ADAMTS18: variants seen among roughly 807,000 people sequenced by gnomAD.
ADAMTS18 encodes ADAM metallopeptidase with thrombospondin type 1 motif 18.
Under a neutral mutation model 165.9 loss-of-function variants are expected in ADAMTS18, and 157 were observed. The ratio of observed to expected loss-of-function variants is 0.95; its 90% confidence interval spans 0.83 to 1.08. The LOEUF is 1.08. Ranked by LOEUF, ADAMTS18 falls within the 50% of genes least tolerant of loss-of-function variation. The pLI, the probability that ADAMTS18 is intolerant of heterozygous loss-of-function variation, is 0.00. For missense variants in ADAMTS18, 2,040 were observed against 1,534.0 expected, an observed-to-expected ratio of 1.33 and a Z score of -5.51; for synonymous variants, 782 against 578.2, an observed-to-expected ratio of 1.35 and a Z score of -5.06.
intron 3 of ADAMTS18, among the ~76,000 whole-genome samples, chr16:77,393,053 T>C (rs1450930266): frequency 6.6e-6 from 1 of 152,194 alleles, no homozygotes; most frequent in Non-Finnish European, 1.5e-5. Flanking sequence ...GCGCTGGTCA[T>C]GATTTCACTG....
chr16:77,327,659 G>A (rs777395476), intron 12 of ADAMTS18, among the ~76,000 whole-genome samples: 2 of 152,138 alleles, frequency 1.3e-5, no homozygotes, highest in Non-Finnish European at 2.9e-5. Flanking sequence ...CATCATATTA[G>A]CCCCTGTGTT....
At chr16:77,353,668 T>C in intron 10 of ADAMTS18, 65 bp downstream of exon 10, 2 of 1,609,516 alleles carry the variant, frequency 1.2e-6, no homozygotes, top group South Asian at 2.2e-5. Flanking sequence ...ATGTTTACAC[T>C]TCTGTTAGGG....
At chr16:77,347,055 C>A (rs531228716) in intron 10 of ADAMTS18, among the ~76,000 whole-genome samples, 1 of 152,274 alleles carries the variant, frequency 6.6e-6, no homozygotes, top group Admixed American at 6.5e-5. Flanking sequence ...TAAATGGAAC[C>A]ATACAGAATG....
intron 3 of ADAMTS18, among the ~76,000 whole-genome samples, chr16:77,430,479 C>G (rs2057725581): frequency 6.6e-6 from 1 of 152,208 alleles, no homozygotes; most frequent in African/African-American, 2.4e-5. Context: ...CTTGGGCTTT[C>G]TCACATTTTC....
intron 3 of ADAMTS18, among the ~76,000 whole-genome samples, chr16:77,424,692 C>T (rs1328871204): frequency 6.6e-6 from 1 of 151,724 alleles, no homozygotes; most frequent in Non-Finnish European, 1.5e-5. Context: ...GAAGCCAGAA[C>T]AAAATAACAA....
chr16:77,288,522 T>G (rs770444321), intron 22 of ADAMTS18, among the ~76,000 whole-genome samples: 2 of 152,168 alleles, frequency 1.3e-5, no homozygotes, highest in East Asian at 1.9e-4. Flanking sequence ...ACTCAGACTT[T>G]CCATTTTCCT....
rs972008475 is a variant in ADAMTS18, at chr16:77,335,799, C to A, written c.1816G>T (p.Gly606Cys). The change falls in exon 12 of 23, where the codon GGT becomes TGT. Residue 606 changes from glycine to cysteine, a missense_variant. By Grantham distance (159) the Gly-to-Cys change is radical. Transcript: ENST00000282849. Reference protein sequence around the residue: ...SKWSECSRTCGGGVKFQERHC... With the variant: ...SKWSECSRTCCGGVKFQERHC... Reference sequence around the variant, plus strand: ...CTCTCCTGGAACTTGACTCCTCCACCACATGTCCGGGAACATTCTGACCAC... The same window carrying A: ...CTCTCCTGGAACTTGACTCCTCCACAACATGTCCGGGAACATTCTGACCAC... The A allele has an allele frequency of 6.2e-7, 1 of 1,614,218 alleles. No individual in the cohort carries two copies. The highest frequency in any genetic ancestry group is 1.7e-5 in the Admixed American group (1 of 60,022).
chr16:77,312,000 T>C (rs1336883737), intron 16 of ADAMTS18, among the ~76,000 whole-genome samples: 1 of 152,204 alleles, frequency 6.6e-6, no homozygotes, highest in African/African-American at 2.4e-5. Flanking sequence ...TAGTAGTAAA[T>C]AATTATTTTT....
At chr16:77,370,789 C>A (rs969781427) in intron 3 of ADAMTS18, among the ~76,000 whole-genome samples, 2 of 131,060 alleles carry the variant, frequency 1.5e-5, no homozygotes, top group Admixed American at 7.1e-5. Flanking sequence ...ATAATAGCTA[C>A]GATATATATA....
chr16:77,401,067 C>A (rs2057325305), intron 3 of ADAMTS18, among the ~76,000 whole-genome samples: 1 of 151,888 alleles, frequency 6.6e-6, no homozygotes, highest in South Asian at 2.1e-4. Context: ...ACCAGCCTGG[C>A]CAACATGGAG....
chr16:77,343,731 G>A (rs916954969), intron 10 of ADAMTS18, among the ~76,000 whole-genome samples: 8 of 152,130 alleles, frequency 5.3e-5, no homozygotes, highest in African/African-American at 1.9e-4. Flanking sequence ...AGTCTATAAA[G>A]AAACAGAACC....
At chr16:77,296,254 T>C (rs1008769682) in intron 18 of ADAMTS18, among the ~76,000 whole-genome samples, 2 of 152,114 alleles carry the variant, frequency 1.3e-5, no homozygotes, top group African/African-American at 2.4e-5. Context: ...CTTCAAACAA[T>C]AGTGTGGCTA....
chr16:77,351,385 T>C (rs1019913755), intron 10 of ADAMTS18, among the ~76,000 whole-genome samples: 1 of 152,194 alleles, frequency 6.6e-6, no homozygotes, highest in Non-Finnish European at 1.5e-5. Context: ...AGCTGTCTTT[T>C]AAAAATATAG....
chr16:77,392,528 C>T lies in ADAMTS18; in HGVS notation c.496-24805G>A, dbSNP rs116409587. 6.1e-3 allele frequency among the ~76,000 whole-genome samples: 936 copies of T among 152,312 alleles called. 13 individuals carry two copies. The highest frequency in any genetic ancestry group is 0.021 in the African/African-American group (884 of 41,550). ...CCTGTATGAAATCTCCACCCCATCA[C>T]TTCCCATGCCTGCCCCCTGCTTCAC... On this transcript the variant is annotated intron_variant, in intron 3 of 22. Transcript: ENST00000282849.
intron 3 of ADAMTS18, among the ~76,000 whole-genome samples, chr16:77,425,894 A>C (rs924305005): frequency 2.0e-5 from 3 of 152,032 alleles, no homozygotes; most frequent in Non-Finnish European, 4.4e-5. Flanking sequence ...AATAACAAAA[A>C]AATTAGCCAG....
At chr16:77,335,693 A>C in intron 12 of ADAMTS18, 63 bp downstream of exon 12, 1 of 1,592,194 alleles carries the variant, frequency 6.3e-7, no homozygotes, top group Non-Finnish European at 8.6e-7. Context: ...AACAAGAAAA[A>C]CCAGCGTGTT....
chr16:77,295,599 C>G (rs1447617749), intron 18 of ADAMTS18, among the ~76,000 whole-genome samples: 1 of 152,118 alleles, frequency 6.6e-6, no homozygotes, highest in Non-Finnish European at 1.5e-5. Flanking sequence ...TGAGGAGGCT[C>G]ATGGAACAGT....
At chr16:77,415,669 T>C (rs1217047735) in intron 3 of ADAMTS18, among the ~76,000 whole-genome samples, 1 of 139,798 alleles carries the variant, frequency 7.2e-6, no homozygotes. Flanking sequence ...GGAGGGTAGA[T>C]CCTTAAGGAA....
chr16:77,333,276 A>G (rs2056219993), intron 12 of ADAMTS18, among the ~76,000 whole-genome samples: 1 of 152,032 alleles, frequency 6.6e-6, no homozygotes, highest in African/African-American at 2.4e-5. Flanking sequence ...GCACTTTAAA[A>G]CAGTGTTTTC....
Sources: gnomAD v4.1 joint callset for allele counts (sites outside exome capture counted in the v4.1 genomes callset) on GRCh38, gnomAD v4.1.1 for gene constraint, MANE v1.5 for transcripts, NCBI Gene and HGNC (gene_info 2026-07-23, HGNC 2026-07-21) for gene names.